The following IL1RAP variants were observed in gnomAD, a reference collection of about 807,000 sequenced individuals.
IL1RAP encodes the protein interleukin-1 receptor accessory protein.
In IL1RAP, 35 loss-of-function variants were observed where a neutral mutation model predicts 60.7. The ratio of observed to expected loss-of-function variants is 0.58; its 90% CI spans 0.44 to 0.76. IL1RAP has a LOEUF of 0.76. Among genes scored for constraint, IL1RAP ranks in the 30% least tolerant of loss-of-function variants. The pLI is 0.00. For missense variants in IL1RAP, 572 were observed against 693.9 expected, an observed-to-expected ratio of 0.82 and a Z score of 1.97; for synonymous variants, 268 against 250.9, an observed-to-expected ratio of 1.07 and a Z score of -0.64.
intron 11 of IL1RAP, among the ~76,000 whole-genome samples, chr3:190,646,094 G>A (rs1461588578): frequency 6.6e-6 from 1 of 152,158 alleles, no homozygotes; most frequent in East Asian, 1.9e-4. Context: ...AGGCACAGTG[G>A]ATTAGAGCTC....
chr3:190,601,933 T>C (rs1368851578), intron 3 of IL1RAP, among the ~76,000 whole-genome samples: 2 of 152,184 alleles, frequency 1.3e-5, no homozygotes, highest in Non-Finnish European at 2.9e-5. Context: ...CAAAATCTTT[T>C]AACTCTTAAG....
intron 1 of IL1RAP, among the ~76,000 whole-genome samples, chr3:190,543,051 C>G (rs939671367): frequency 6.6e-6 from 1 of 151,990 alleles, no homozygotes; most frequent in Non-Finnish European, 1.5e-5. Flanking sequence ...TGGGGGCTCA[C>G]TAAGCAACTC....
downstream of IL1RAP, among the ~76,000 whole-genome samples, chr3:190,655,097 A>G (rs1378412194): frequency 6.6e-6 from 1 of 152,136 alleles, no homozygotes; most frequent in Non-Finnish European, 1.5e-5. Context: ...AATACTATGA[A>G]CTACTATGAA....
intron 1 of IL1RAP, among the ~76,000 whole-genome samples, chr3:190,526,291 A>T (rs1722507631): frequency 6.6e-6 from 1 of 152,246 alleles, no homozygotes; most frequent in Admixed American, 6.5e-5. Context: ...GGAATCACAG[A>T]GTTGATCAGT....
chr3:190,612,135 G>A (rs1730873714), intron 5 of IL1RAP, among the ~76,000 whole-genome samples: 1 of 151,948 alleles, frequency 6.6e-6, no homozygotes, highest in Non-Finnish European at 1.5e-5. Context: ...ATAATCTTGG[G>A]GTGCAGTGAG....
At chr3:190,544,716 C>A (rs74991456) in intron 1 of IL1RAP, among the ~76,000 whole-genome samples, 3,944 of 152,206 alleles carry the variant, frequency 0.026, 176 homozygotes, top group African/African-American at 0.089. Context: ...ACAAGAATTA[C>A]TAAAGTCAAT....
intron 7 of IL1RAP, chr3:190,624,940 G>A: frequency 5.7e-6 from 1 of 176,332 alleles, no homozygotes. Flanking sequence ...TCAAGTGGCA[G>A]TAACTTGAGG....
At chr3:190,536,824 GAA>G (rs1171848279) in intron 1 of IL1RAP, among the ~76,000 whole-genome samples, 3 of 152,036 alleles carry the variant, frequency 2.0e-5, no homozygotes, top group Non-Finnish European at 4.4e-5. Flanking sequence ...GAAAAAATGT[GAA>G]AGACACATTA....
chr3:190,627,922 T>G (rs906126766), intron 8 of IL1RAP, among the ~76,000 whole-genome samples: 22 of 152,080 alleles, frequency 1.4e-4, no homozygotes, highest in Admixed American at 1.2e-3. Context: ...TGTGTTTTGT[T>G]TTTTTTTGCA....
chr3:190,531,764 A>C (rs1042563297), intron 1 of IL1RAP, among the ~76,000 whole-genome samples: 1 of 152,132 alleles, frequency 6.6e-6, no homozygotes, highest in African/African-American at 2.4e-5. Flanking sequence ...AGGGTTTTGC[A>C]CCCCTAAAGA....
At chr3:190,618,652 T>C (rs1731492422) in intron 5 of IL1RAP, among the ~76,000 whole-genome samples, 1 of 152,236 alleles carries the variant, frequency 6.6e-6, no homozygotes, top group African/African-American at 2.4e-5. Context: ...AATAGTTCTA[T>C]TGATACTGTA....
chr3:190,648,404 A>G lies in IL1RAP; in HGVS notation c.1412A>G (p.Asn471Ser). 6.2e-7 allele frequency: 1 copy of G among 1,613,734 alleles called. No homozygotes were observed. Among genetic ancestry groups the G allele is most frequent in the Non-Finnish European group, 8.5e-7 (1 of 1,179,882 alleles). ...SRRLLVVLSP[N>S]YVLQGTQALL... Reference sequence around the variant, plus strand: ...CGCCTCCTGGTTGTTCTAAGCCCCAACTACGTGCTCCAGGGAACCCAAGCC... The same window carrying G: ...CGCCTCCTGGTTGTTCTAAGCCCCAGCTACGTGCTCCAGGGAACCCAAGCC... The change falls in exon 12 of 12, where the codon AAC becomes AGC. Residue 471 changes from asparagine to serine, a missense_variant. Coordinates refer to ENST00000447382, the MANE Select transcript of IL1RAP (RefSeq NM_002182.4).
intron 3 of IL1RAP, among the ~76,000 whole-genome samples, chr3:190,568,586 T>G (rs999395054): frequency 2.6e-5 from 4 of 152,192 alleles, no homozygotes; most frequent in African/African-American, 9.7e-5. Flanking sequence ...AATTGAGAGA[T>G]TCAAGTTCTG....
At chr3:190,530,955 C>T (rs1722934177) in intron 1 of IL1RAP, among the ~76,000 whole-genome samples, 3 of 113,850 alleles carry the variant, frequency 2.6e-5, no homozygotes, top group Admixed American at 2.3e-4. Flanking sequence ...GGCCACTTAG[C>T]CCCGATGATT....
exon 12 of IL1RAP, chr3:190,657,609 T>A (rs527984701): frequency 6.6e-6 from 1 of 152,182 alleles, no homozygotes; most frequent in East Asian, 1.9e-4. Context: ...ATGCTCTCCA[T>A]CTAGAACTGA....
intron 1 of IL1RAP, chr3:190,516,205 A>G (rs1721497924): frequency 6.6e-6 from 1 of 152,276 alleles, no homozygotes; most frequent in African/African-American, 2.4e-5. Context: ...ATAAGAGCCC[A>G]GTGGTGCCCA....
chr3:190,545,823 T>C (rs1215059787), intron 1 of IL1RAP, among the ~76,000 whole-genome samples: 1 of 152,164 alleles, frequency 6.6e-6, no homozygotes, highest in African/African-American at 2.4e-5. Context: ...ATGTGTGAAA[T>C]CCCTGCTAGG....
chr3:190,580,155 G>T (rs187928056), intron 3 of IL1RAP, among the ~76,000 whole-genome samples: 1 of 152,144 alleles, frequency 6.6e-6, no homozygotes, highest in African/African-American at 2.4e-5. Context: ...TGCCAACTAC[G>T]TTCCAACGTA....
At chr3:190,627,193 G>A in intron 7 of IL1RAP, 130 bp from the exon 8 acceptor site, 1 of 714,370 alleles carries the variant, frequency 1.4e-6, no homozygotes, top group South Asian at 2.0e-5. Context: ...TGATTAGCCA[G>A]AGAGTAGAAC....
Sources: gnomAD v4.1 joint callset for allele counts (sites outside exome capture counted in the v4.1 genomes callset) on GRCh38, gnomAD v4.1.1 for gene constraint, MANE v1.5 for transcripts, NCBI Gene and HGNC (gene_info 2026-07-23, HGNC 2026-07-21) for gene names.